TMCC1: variants seen among roughly 807,000 people sequenced by gnomAD.
TMCC1 encodes transmembrane and coiled-coil domain family 1.
TMCC1 carries 15 observed loss-of-function variants against 52.4 expected under a neutral mutation model. The ratio of observed to expected loss-of-function variants is 0.29; its 90% CI spans 0.19 to 0.44. TMCC1 has a LOEUF of 0.44. Among genes scored for constraint, TMCC1 ranks in the 20% least tolerant of loss-of-function variants. TMCC1 has a pLI of 1.00. For synonymous variants in TMCC1, 279 were observed against 301.9 expected (o/e 0.92, Z 0.79); for missense variants, 503 against 806.0 (o/e 0.62, Z 4.55).
At chr3:129,764,022 G>C (rs911418201) in intron 4 of TMCC1, among the ~76,000 whole-genome samples, 2 of 152,014 alleles carry the variant, frequency 1.3e-5, no homozygotes, top group Non-Finnish European at 2.9e-5. Context: ...ATAAACTTAA[G>C]ACTATAGATA....
At position 129,649,589 on chromosome 3, in the gene TMCC1, T is replaced by C. The variant is rs1201469335; in HGVS notation, c.*1892A>G. 3 of 152,620 alleles carry C rather than the reference T, an allele frequency of 2.0e-5. No homozygotes were observed. The highest frequency in any genetic ancestry group is 7.2e-5 in the African/African-American group (3 of 41,434). 9.5% of individuals were successfully genotyped at this position (152,620 alleles called of 1,614,324 possible). On this transcript the variant is annotated 3_prime_UTR_variant, in exon 7 of 7. Coordinates refer to ENST00000393238, the MANE Select transcript of TMCC1 (RefSeq NM_001017395.5). ...AGTTATGGAAACAACATGCTGGCTC[T>C]GAGAAATCCAGCTTGCCAAAGCAAA... is the stretch of plus-strand genomic sequence containing the variant.
intron 2 of TMCC1, among the ~76,000 whole-genome samples, chr3:129,848,822 A>G (rs1358849188): frequency 6.6e-6 from 1 of 152,034 alleles, no homozygotes. Context: ...TTCAAATCTA[A>G]TACTCCCTCC....
At chr3:129,774,040 A>G (rs932267639) in intron 4 of TMCC1, among the ~76,000 whole-genome samples, 7 of 152,256 alleles carry the variant, frequency 4.6e-5, no homozygotes, top group African/African-American at 1.4e-4. Context: ...TTGGCACAAC[A>G]TAACAGTAAT....
intron 4 of TMCC1, among the ~76,000 whole-genome samples, chr3:129,791,029 GTAGA>G (rs1017417152): frequency 6.6e-6 from 1 of 151,336 alleles, no homozygotes; most frequent in African/African-American, 2.4e-5. Context: ...GTTTTCTATC[GTAGA>G]TAAACATAGA....
chr3:129,826,487 G>A (rs755466678), intron 4 of TMCC1, among the ~76,000 whole-genome samples: 6 of 152,052 alleles, frequency 3.9e-5, no homozygotes, highest in Admixed American at 2.6e-4. Context: ...CAGCCTAGGT[G>A]ACAGGGTAAG....
At chr3:129,738,642 A>T (rs1246772367) in intron 4 of TMCC1, among the ~76,000 whole-genome samples, 1 of 152,270 alleles carries the variant, frequency 6.6e-6, no homozygotes, top group Non-Finnish European at 1.5e-5. Context: ...TAGCTACTGC[A>T]AGTGAACACT....
intron 4 of TMCC1, among the ~76,000 whole-genome samples, chr3:129,775,936 T>C (rs564760251): frequency 3.0e-4 from 46 of 152,318 alleles, no homozygotes; most frequent in African/African-American, 1.1e-3. Context: ...CTCCTTATCA[T>C]AGCCAAAGAA....
chr3:129,660,930 C>T (rs904392913), intron 5 of TMCC1, among the ~76,000 whole-genome samples: 40 of 152,298 alleles, frequency 2.6e-4, no homozygotes, highest in African/African-American at 8.9e-4. Flanking sequence ...AGACCTGTGC[C>T]ATTGTGCCCA....
intron 4 of TMCC1, among the ~76,000 whole-genome samples, chr3:129,713,078 A>G (rs1156895233): frequency 6.6e-6 from 1 of 151,838 alleles, no homozygotes; most frequent in African/African-American, 2.4e-5. Flanking sequence ...ACTGGGCAAC[A>G]TAGTGAGACC....
chr3:129,660,472 T>G (rs895723256), intron 5 of TMCC1, among the ~76,000 whole-genome samples: 26 of 152,220 alleles, frequency 1.7e-4, no homozygotes, highest in Non-Finnish European at 1.0e-4. Flanking sequence ...CATTTCTTTA[T>G]GTCCACTTTC....
At chr3:129,834,846 T>C (rs940882679) in intron 2 of TMCC1, among the ~76,000 whole-genome samples, 13 of 152,176 alleles carry the variant, frequency 8.5e-5, no homozygotes, top group African/African-American at 2.9e-4. Context: ...TGGAAACGTA[T>C]TACGAGTACA....
intron 4 of TMCC1, among the ~76,000 whole-genome samples, chr3:129,827,455 G>A (rs1024829698): frequency 5.9e-5 from 9 of 152,168 alleles, no homozygotes; most frequent in Non-Finnish European, 1.0e-4. Flanking sequence ...ATGTAAGAAA[G>A]CCATCTCCAT....
At chr3:129,848,594 C>A (rs1214312123) in intron 2 of TMCC1, among the ~76,000 whole-genome samples, 1 of 152,174 alleles carries the variant, frequency 6.6e-6, no homozygotes, top group Non-Finnish European at 1.5e-5. Flanking sequence ...CCCAATCCTG[C>A]CAATCTAACT....
At chr3:129,782,631 T>C (rs1346689216) in intron 4 of TMCC1, among the ~76,000 whole-genome samples, 1 of 152,196 alleles carries the variant, frequency 6.6e-6, no homozygotes, top group East Asian at 1.9e-4. Context: ...CAATGCTTAC[T>C]CCTTTTTTGA....
At chr3:129,825,051 AT>A (rs1189740111) in intron 4 of TMCC1, among the ~76,000 whole-genome samples, 2 of 152,114 alleles carry the variant, frequency 1.3e-5, no homozygotes, top group African/African-American at 4.8e-5. Flanking sequence ...TACTAATTAA[AT>A]TATCACCCCG....
At position 129,827,849 on chromosome 3, in the gene TMCC1, G is replaced by T; in HGVS notation, c.530C>A (p.Ala177Asp). ...TCCTGGTAGACATGCAGCAGCAGCA[G>T]CAGCAGCAGCACAAGCTATTTCCAT... ...AMMEIACAAA[A>D]AAAACLPGEE... The change falls in exon 4 of 7, where the codon GCT (alanine) becomes GAT (aspartate). Residue 177 changes from alanine (A) to aspartate (D), a missense_variant. Transcript: ENST00000393238. 9 of 1,614,030 alleles carry T rather than the reference G, an allele frequency of 5.6e-6. No homozygotes were observed. Among genetic ancestry groups the T allele is most frequent in the Non-Finnish European group, 7.6e-6 (9 of 1,179,926 alleles).
intron 4 of TMCC1, among the ~76,000 whole-genome samples, chr3:129,737,417 T>C (rs1312971931): frequency 1.3e-5 from 2 of 151,278 alleles, no homozygotes; most frequent in African/African-American, 2.4e-5. Context: ...GAAGCGGAGG[T>C]TGTAGTGAGC....
chr3:129,765,491 T>A (rs1457537277), intron 4 of TMCC1, among the ~76,000 whole-genome samples: 1 of 152,182 alleles, frequency 6.6e-6, no homozygotes, highest in Non-Finnish European at 1.5e-5. Context: ...TCCAAGCTTA[T>A]TAGAATTATA....
chr3:129,786,748 G>C (rs907764526), intron 4 of TMCC1, among the ~76,000 whole-genome samples: 2 of 152,186 alleles, frequency 1.3e-5, no homozygotes, highest in African/African-American at 4.8e-5. Context: ...AGGTACTCGA[G>C]TTCCAATATA....
Sources: allele counts gnomAD v4.1 joint callset (sites outside exome capture counted in the v4.1 genomes callset), GRCh38; gene constraint gnomAD v4.1.1; transcripts MANE v1.5; gene names NCBI Gene and HGNC (gene_info 2026-07-23, HGNC 2026-07-21).